The following IL1RAP variants were observed in gnomAD, a reference collection of about 807,000 sequenced individuals.
The protein encoded by IL1RAP is interleukin-1 receptor accessory protein.
A neutral mutation model predicts 60.7 loss-of-function variants in IL1RAP; 35 were observed. The observed-to-expected ratio is 0.58, with a 90% CI of 0.44 to 0.76. IL1RAP has a LOEUF of 0.76. IL1RAP is among the 30% of genes least tolerant of loss of function. The pLI is 0.00. For missense variants in IL1RAP, 572 were observed against 693.9 expected (o/e 0.82, Z 1.97); for synonymous variants, 268 against 250.9 (o/e 1.07, Z -0.64).
At chr3:190,576,961 C>T (rs555938677) in intron 3 of IL1RAP, among the ~76,000 whole-genome samples, 23 of 151,944 alleles carry the variant, frequency 1.5e-4, no homozygotes, top group Non-Finnish European at 2.5e-4. Flanking sequence ...ATTAGCCGGG[C>T]GCGGTGGCGG....
At chr3:190,521,901 C>T (rs938900672) in intron 1 of IL1RAP, among the ~76,000 whole-genome samples, 2 of 151,958 alleles carry the variant, frequency 1.3e-5, no homozygotes, top group Non-Finnish European at 2.9e-5. Flanking sequence ...TAGTTTTCTA[C>T]AACAAAATAA....
chr3:190,623,874 G>C (rs1017810506), intron 7 of IL1RAP, among the ~76,000 whole-genome samples: 2 of 152,194 alleles, frequency 1.3e-5, no homozygotes, highest in African/African-American at 4.8e-5. Context: ...AATGCTTACT[G>C]TGGCTCTTCG....
At chr3:190,595,737 ACT>A (rs1022537840) in intron 3 of IL1RAP, among the ~76,000 whole-genome samples, 4 of 152,002 alleles carry the variant, frequency 2.6e-5, no homozygotes, top group Non-Finnish European at 4.4e-5. Flanking sequence ...AAATCTCAAG[ACT>A]CTCACCTCCA....
At chr3:190,558,105 C>T (rs1725579161) in intron 2 of IL1RAP, among the ~76,000 whole-genome samples, 1 of 152,196 alleles carries the variant, frequency 6.6e-6, no homozygotes, top group Non-Finnish European at 1.5e-5. Flanking sequence ...ATTATATCAA[C>T]ATATATAATG....
At chr3:190,655,974 C>T, downstream of IL1RAP, 3 of 1,537,180 alleles carry the variant, frequency 2.0e-6, no homozygotes, top group East Asian at 4.9e-5. Flanking sequence ...CAGAAAAGAG[C>T]ATCAGCATGC....
chr3:190,601,227 C>T (rs1327991729), intron 3 of IL1RAP, among the ~76,000 whole-genome samples: 24 of 152,114 alleles, frequency 1.6e-4, no homozygotes, highest in Admixed American at 1.2e-3. Context: ...TCAGGTGATC[C>T]GCCCCCTCGG....
chr3:190,535,557 A>G (rs1317395765), intron 1 of IL1RAP, among the ~76,000 whole-genome samples: 1 of 152,010 alleles, frequency 6.6e-6, no homozygotes, highest in African/African-American at 2.4e-5. Context: ...CTTATAACTC[A>G]CTCTCAGCTC....
At chr3:190,625,412 C>A (rs1264838520) in intron 7 of IL1RAP, among the ~76,000 whole-genome samples, 1 of 151,860 alleles carries the variant, frequency 6.6e-6, no homozygotes. Context: ...TCAGGGCGGG[C>A]AGCAAAGCAT....
intron 9 of IL1RAP, among the ~76,000 whole-genome samples, chr3:190,639,469 A>T (rs1335664635): frequency 1.3e-5 from 2 of 152,142 alleles, no homozygotes; most frequent in Non-Finnish European, 1.5e-5. Context: ...CTTCATTGAA[A>T]GGTCCCTATT....
intron 1 of IL1RAP, among the ~76,000 whole-genome samples, chr3:190,554,419 C>T (rs1310923863): frequency 2.0e-5 from 3 of 152,166 alleles, no homozygotes; most frequent in Admixed American, 2.0e-4. Flanking sequence ...GGCTCCACCC[C>T]GTTCAACCAG....
chr3:190,534,978 C>G (rs1038459367), intron 1 of IL1RAP, among the ~76,000 whole-genome samples: 2 of 150,890 alleles, frequency 1.3e-5, no homozygotes, highest in Non-Finnish European at 2.9e-5. Context: ...AAATGAGAGT[C>G]CTCTGTTTAA....
At chr3:190,594,450 T>C (rs1407837053) in intron 3 of IL1RAP, among the ~76,000 whole-genome samples, 1 of 152,166 alleles carries the variant, frequency 6.6e-6, no homozygotes, top group African/African-American at 2.4e-5. Flanking sequence ...CATATCTATC[T>C]ATGTCCCACG....
rs138550018 is a variant in IL1RAP at position 190,621,127 on chromosome 3, A to G, written c.703+687A>G. 7.2e-3 allele frequency among the ~76,000 whole-genome samples: 1,099 copies of G among 152,306 alleles called. 15 individuals carry two copies. Among genetic ancestry groups the G allele is most frequent in the African/African-American group, 0.025 (1,058 of 41,568 alleles). ...CCCTAAATACCACTGTGTCCAGTGT[A>G]TTAAAAAAGATAGCATCTCTGGGTA... On this transcript the variant is annotated intron_variant, in intron 6 of 11. Coordinates refer to ENST00000447382, the MANE Select transcript of IL1RAP (RefSeq NM_002182.4).
rs547339492 is a variant in IL1RAP at position 190,555,085 on chromosome 3, T to C, written c.-88-1045T>C. The stretch of plus-strand genomic sequence containing the variant: ...GAATTAGAGAGGTTATTAGTGGCAA[T>C]GTCGTTAAGTGAAATTTAAGGGGAG... On this transcript the variant is annotated intron_variant, in intron 1 of 11. Transcript: ENST00000447382. 1.4e-4 allele frequency among the ~76,000 whole-genome samples: 22 copies of C among 152,312 alleles called. No individual in the cohort carries two copies. In the South Asian group the frequency reaches 4.6e-3, roughly 32 times the overall value.
At chr3:190,584,387 T>C (rs1051166644) in intron 3 of IL1RAP, among the ~76,000 whole-genome samples, 1 of 152,248 alleles carries the variant, frequency 6.6e-6, no homozygotes, top group Non-Finnish European at 1.5e-5. Context: ...CTGATATTGC[T>C]AGGTCATATG....
At chr3:190,569,215 G>T (rs1193158996) in intron 3 of IL1RAP, among the ~76,000 whole-genome samples, 2 of 152,148 alleles carry the variant, frequency 1.3e-5, no homozygotes, top group Non-Finnish European at 2.9e-5. Context: ...AGTTGGCTAG[G>T]TTTCTTTTCC....
At chr3:190,656,198 G>A, downstream of IL1RAP, 2 of 1,537,254 alleles carry the variant, frequency 1.3e-6, no homozygotes, top group South Asian at 1.2e-5. Context: ...CTGAGTGCCA[G>A]TTCTGGCTGG....
chr3:190,562,896 A>G (rs1249698535), intron 2 of IL1RAP, among the ~76,000 whole-genome samples: 1 of 152,170 alleles, frequency 6.6e-6, no homozygotes, highest in African/African-American at 2.4e-5. Flanking sequence ...GCTGGGAAGA[A>G]AACATCATTT....
At chr3:190,631,600 A>T (rs1053760090) in intron 9 of IL1RAP, among the ~76,000 whole-genome samples, 6 of 152,196 alleles carry the variant, frequency 3.9e-5, no homozygotes, top group African/African-American at 1.4e-4. Context: ...TTCATACATT[A>T]CATGTATGGG....
Sources: allele counts gnomAD v4.1 joint callset (sites outside exome capture counted in the v4.1 genomes callset), GRCh38; gene constraint gnomAD v4.1.1; transcripts MANE v1.5; gene names NCBI Gene and HGNC (gene_info 2026-07-23, HGNC 2026-07-21).